The following TBC1D4 variants were observed in gnomAD, a reference collection of about 807,000 sequenced individuals.
TBC1D4 encodes TBC (Tre-2, BUB2, CDC16) domain-containing protein.
In TBC1D4, 121 loss-of-function variants were observed where a neutral mutation model predicts 142.5. The observed-to-expected ratio is 0.85, with a 90% confidence interval of 0.73 to 0.99. TBC1D4 has a LOEUF of 0.99. Ranked by LOEUF, TBC1D4 falls within the 50% of genes least tolerant of loss-of-function variation. TBC1D4 has a pLI of 0.00. For synonymous variants in TBC1D4, 630 were observed against 628.2 expected, an observed-to-expected ratio of 1.00 and a Z score of -0.04; for missense variants, 1,475 against 1,606.6, an observed-to-expected ratio of 0.92 and a Z score of 1.40.
intron 8 of TBC1D4, among the ~76,000 whole-genome samples, chr13:75,330,833 G>T (rs1435450326): frequency 1.3e-5 from 2 of 152,122 alleles, no homozygotes; most frequent in Non-Finnish European, 2.9e-5. Context: ...TCTATTTGTG[G>T]CTAATAAATT....
intron 1 of TBC1D4, among the ~76,000 whole-genome samples, chr13:75,446,677 G>T (rs1327450356): frequency 6.6e-6 from 1 of 152,164 alleles, no homozygotes; most frequent in Non-Finnish European, 1.5e-5. Context: ...TCTCAATTGG[G>T]ACTTGATGTG....
At chr13:75,391,325 AG>A (rs982067466) in intron 1 of TBC1D4, among the ~76,000 whole-genome samples, 1 of 152,138 alleles carries the variant, frequency 6.6e-6, no homozygotes, top group African/African-American at 2.4e-5. Flanking sequence ...ACTCCAAAAG[AG>A]TTGCCTGCAT....
chr13:75,319,047 C>A (rs575188792), intron 12 of TBC1D4, among the ~76,000 whole-genome samples: 1 of 152,186 alleles, frequency 6.6e-6, no homozygotes, highest in Admixed American at 6.5e-5. Flanking sequence ...TAAAAGGACA[C>A]AAGGCAGAAC....
At chr13:75,311,293 C>A (rs575191606) in intron 13 of TBC1D4, among the ~76,000 whole-genome samples, 1 of 152,296 alleles carries the variant, frequency 6.6e-6, no homozygotes, top group South Asian at 2.1e-4. Flanking sequence ...TCATTCCTTC[C>A]TTCTAAAGCA....
At chr13:75,447,159 C>T (rs1460284753) in intron 1 of TBC1D4, among the ~76,000 whole-genome samples, 1 of 152,094 alleles carries the variant, frequency 6.6e-6, no homozygotes, top group Non-Finnish European at 1.5e-5. Flanking sequence ...GTAGAAATAA[C>T]TGGAGGATAT....
intron 1 of TBC1D4, among the ~76,000 whole-genome samples, chr13:75,393,838 G>A (rs376141220): frequency 6.6e-6 from 1 of 151,664 alleles, no homozygotes; most frequent in African/African-American, 2.4e-5. Context: ...GGCTGAGGCA[G>A]GAGAATCGAA....
At chr13:75,302,099 C>T (rs1876625155) in intron 16 of TBC1D4, 144 bp downstream of exon 16, 2 of 946,812 alleles carry the variant, frequency 2.1e-6, no homozygotes, top group Admixed American at 2.1e-5. Flanking sequence ...GGCCAACTTG[C>T]CCTCAGTAAA....
chr13:75,392,509 C>T (rs1023044735), intron 1 of TBC1D4, among the ~76,000 whole-genome samples: 1 of 152,186 alleles, frequency 6.6e-6, no homozygotes. Flanking sequence ...TAATATCGCA[C>T]TGTCCCTCCT....
At position 75,359,961 on chromosome 13, in the gene TBC1D4, C is replaced by T. The variant is rs552427265; in HGVS notation, c.1081-103G>A. The stretch of plus-strand genomic sequence containing the variant: ...ATAATATAGATTCAAATGCAATATC[C>T]CAGATATATGTATTTCATATGTGCT... On this transcript the variant is annotated intron_variant, in intron 2 of 20. Transcript: ENST00000377636. 4.3e-6 allele frequency: 4 copies of T among 924,218 alleles called. No individual in the cohort carries two copies. In the African/African-American group the frequency reaches 6.6e-5, roughly 15 times the overall value. The allele number at this position is 924,218 out of a possible 1,614,324, so 57.3% of individuals were successfully genotyped here.
intron 5 of TBC1D4, among the ~76,000 whole-genome samples, chr13:75,345,710 T>C (rs978570081): frequency 6.6e-6 from 1 of 150,490 alleles, no homozygotes; most frequent in African/African-American, 2.4e-5. Context: ...CTGGGCAACA[T>C]GGTGAAACCC....
At chr13:75,456,775 G>T (rs1005170959) in intron 1 of TBC1D4, among the ~76,000 whole-genome samples, 22 of 149,476 alleles carry the variant, frequency 1.5e-4, no homozygotes, top group African/African-American at 2.5e-4. Context: ...CAAAGACCTA[G>T]CAATTCCTCT....
intron 2 of TBC1D4, among the ~76,000 whole-genome samples, 188 bp from the exon 3 acceptor site, chr13:75,360,046 C>T (rs1882373231): frequency 6.6e-6 from 1 of 152,154 alleles, no homozygotes; most frequent in Admixed American, 6.5e-5. Context: ...AAAAATGTTT[C>T]TTTCCTCTGT....
intron 1 of TBC1D4, among the ~76,000 whole-genome samples, chr13:75,410,712 G>A (rs1330664709): frequency 2.6e-5 from 4 of 151,768 alleles, no homozygotes; most frequent in Non-Finnish European, 5.9e-5. Flanking sequence ...CGAGGCGGGC[G>A]GATCACGAGG....
At chr13:75,316,894 A>G (rs1459854864) in intron 12 of TBC1D4, among the ~76,000 whole-genome samples, 1 of 152,224 alleles carries the variant, frequency 6.6e-6, no homozygotes, top group Admixed American at 6.5e-5. Context: ...TTTGAGTAAA[A>G]ACAAAAATAA....
At chr13:75,404,167 A>T (rs1054673863) in intron 1 of TBC1D4, among the ~76,000 whole-genome samples, 15 of 152,220 alleles carry the variant, frequency 9.9e-5, no homozygotes, top group African/African-American at 3.6e-4. Flanking sequence ...TAGATTTTTT[A>T]AAAAGATGGC....
intron 12 of TBC1D4, among the ~76,000 whole-genome samples, chr13:75,318,413 A>C (rs919961384): frequency 1.3e-5 from 2 of 152,252 alleles, no homozygotes; most frequent in Non-Finnish European, 2.9e-5. Flanking sequence ...ATCTGTATCT[A>C]AATCACAATG....
chr13:75,406,607 G>A (rs1451610642), intron 1 of TBC1D4, among the ~76,000 whole-genome samples: 2 of 152,156 alleles, frequency 1.3e-5, no homozygotes, highest in African/African-American at 2.4e-5. Flanking sequence ...TGTTGTCATC[G>A]AGGGGGCCTT....
At chr13:75,480,739 C>A (rs1189424365) in intron 1 of TBC1D4, among the ~76,000 whole-genome samples, 1 of 152,252 alleles carries the variant, frequency 6.6e-6, no homozygotes, top group African/African-American at 2.4e-5. Flanking sequence ...GCCTCCCAGA[C>A]CGGAGACCTG....
At chr13:75,338,880 G>A (rs925259433) in intron 7 of TBC1D4, among the ~76,000 whole-genome samples, 3 of 152,132 alleles carry the variant, frequency 2.0e-5, no homozygotes, top group Non-Finnish European at 2.9e-5. Context: ...AAACCCTGAC[G>A]TTGTTCACAG....
Sources: allele counts gnomAD v4.1 joint callset (sites outside exome capture counted in the v4.1 genomes callset), GRCh38; gene constraint gnomAD v4.1.1; transcripts MANE v1.5; gene names NCBI Gene and HGNC (gene_info 2026-07-23, HGNC 2026-07-21).